Variants in TRIM48 observed in about 807,000 individuals in gnomAD.
The protein encoded by TRIM48 is E3 ubiquitin-protein ligase TRIM48.
TRIM48 carries 31 observed loss-of-function variants against 29.5 expected under a neutral mutation model. The observed-to-expected ratio is 1.05, with a 90% CI of 0.79 to 1.42. The LOEUF is 1.42. Ranked by LOEUF, TRIM48 falls within the 40% of genes most tolerant of loss-of-function variation. The probability of loss-of-function intolerance (pLI) is 0.00; values close to 1 mark genes in which losing one functional copy is unlikely to be tolerated. For synonymous variants in TRIM48, 128 were observed against 90.6 expected (o/e 1.41, Z -2.34); for missense variants, 344 against 265.0 (o/e 1.30, Z -2.07).
chr11:55,265,463 C>G (rs61014263), intron 2 of TRIM48, 137 bp from the exon 3 acceptor site: 2 of 1,479,924 alleles, frequency 1.4e-6, no homozygotes, highest in South Asian at 2.7e-5. Flanking sequence ...TGAGATTTGA[C>G]GAGGAAGAAG....
chr11:55,266,422 G>A (rs1343456403), intron 3 of TRIM48, among the ~76,000 whole-genome samples: 1 of 147,654 alleles, frequency 6.8e-6, no homozygotes, highest in Non-Finnish European at 1.5e-5. Context: ...CCTAGTCTAT[G>A]TTGAATATTA....
Position 55,265,168 on chromosome 11 carries a change from G to A in TRIM48, c.313G>A (p.Glu105Lys), listed in dbSNP as rs1368164210. 5 of 1,582,822 alleles carry A rather than the reference G, an allele frequency of 3.2e-6. 1 individual carries two copies. Among genetic ancestry groups the A allele is most frequent in the Non-Finnish European group, 4.3e-6 (5 of 1,166,198 alleles). Residue 105 changes from glutamate to lysine, a missense_variant, in exon 2 of 6, where the codon GAG (glutamate) becomes AAG (lysine). Coordinates refer to ENST00000417545, the MANE Select transcript of TRIM48 (RefSeq NM_024114.5). The part of the protein sequence containing the change: ...KASLWLFLSS[E>K]EQMCGIHRET... ...CAGTCTCTGGCTATTCCTGAGCTCT[G>A]AGGAGCAAATGTGTGGCATTCACAG... is the stretch of plus-strand genomic sequence containing the variant.
intron 5 of TRIM48, among the ~76,000 whole-genome samples, chr11:55,269,718 G>A (rs182100284): frequency 6.8e-6 from 1 of 147,422 alleles, no homozygotes; most frequent in Admixed American, 6.9e-5. Context: ...TTCTTTTGGG[G>A]AATATAGTTC....
chr11:55,263,020 C>T (rs1430808750), intron 1 of TRIM48, among the ~76,000 whole-genome samples: 1 of 151,952 alleles, frequency 6.6e-6, no homozygotes, highest in Non-Finnish European at 1.5e-5. Flanking sequence ...TGCCAAAGAC[C>T]ATAGTTTATA....
rs181220726 is a variant in TRIM48 at position 55,269,973 on chromosome 11, T to G, written c.*2-464T>G. Among the ~76,000 whole-genome samples, 2 of 148,032 alleles carry G rather than the reference T, an allele frequency of 1.4e-5. 1 individual carries two copies. Among genetic ancestry groups the G allele is most frequent in the Non-Finnish European group, 3.0e-5 (2 of 66,970 alleles). On this transcript the variant is annotated intron_variant, in intron 5 of 5. Coordinates refer to ENST00000417545, the MANE Select transcript of TRIM48 (RefSeq NM_024114.5). ...GGTAAAAGATTTTGCAGAAATCTGCTTCAAATGATCACTTATGACATGTAC... is the reference window on the plus strand; with the variant it reads ...GGTAAAAGATTTTGCAGAAATCTGCGTCAAATGATCACTTATGACATGTAC...
rs569723795 is a variant in TRIM48, at chr11:55,266,409, G to A, written c.555+714G>A. ...TAGTGTGTTGAAAAGTATTTCATAA[G>A]AACCTAGTCTATGTTGAATATTAAA... is the stretch of plus-strand genomic sequence containing the variant. On this transcript the variant is annotated intron_variant, in intron 3 of 5. Transcript: ENST00000417545. Among the ~76,000 whole-genome samples the A allele has an allele frequency of 2.8e-4, 42 of 147,682 alleles. 2 individuals carry two copies. The highest frequency in any genetic ancestry group is 1.0e-3 in the African/African-American group (42 of 40,482).
chr11:55,269,378 A>T (rs765815164), intron 5 of TRIM48, 39 bp downstream of exon 5: 3 of 1,559,990 alleles, frequency 1.9e-6, no homozygotes, highest in Non-Finnish European at 2.6e-6. Flanking sequence ...CACTATCTAA[A>T]TATTATTATT....
chr11:55,269,275 T>C lies in TRIM48; in HGVS notation c.612T>C (p.Pro204=), dbSNP rs776479125. The C allele has an allele frequency of 3.8e-5, 60 of 1,576,372 alleles. 4 individuals are homozygous for C. Among genetic ancestry groups the C allele is most frequent in the Non-Finnish European group, 5.1e-5 (59 of 1,166,030 alleles). ...SESVLLHMPQ[P]LNLALRAGPI... The stretch of plus-strand genomic sequence containing the variant: ...CCGTGCTGCTGCACATGCCCCAGCC[T>C]CTGAATCTAGCGCTCAGGGCAGGGC... Residue 204 remains proline (P), a synonymous_variant, in exon 5 of 6, where the codon CCT becomes CCC. Transcript: ENST00000417545.
In TRIM48 at chr11:55,265,579, C is replaced by T. The variant is rs773484507; in HGVS notation, c.460-21C>T. ...TACTTTATTGTCTTCACTGGTGCTT[C>T]AATTTATGGCTCTTTTGCAGGAGAA... On this transcript the variant is annotated intron_variant, in intron 2 of 5. Coordinates refer to ENST00000417545, the MANE Select transcript of TRIM48 (RefSeq NM_024114.5). The T allele has an allele frequency of 8.9e-6, 14 of 1,576,726 alleles. 3 individuals are homozygous for T. In the East Asian group the frequency reaches 2.4e-4, roughly 27 times the overall value.
chr11:55,267,640 T>G, intron 3 of TRIM48: 1 of 1,564,492 alleles, frequency 6.4e-7, no homozygotes, highest in Non-Finnish European at 8.7e-7. Flanking sequence ...CTACTTCAGG[T>G]ACAAACTCGC....
chr11:55,270,285 C>T (rs1041368835), intron 5 of TRIM48, among the ~76,000 whole-genome samples, 152 bp from the exon 6 acceptor site: 2 of 147,892 alleles, frequency 1.4e-5, no homozygotes, highest in Non-Finnish European at 3.0e-5. Context: ...CATCTCTATA[C>T]TTTATTAGAA....
intron 5 of TRIM48, among the ~76,000 whole-genome samples, chr11:55,270,058 C>T (rs139530113): frequency 3.4e-5 from 5 of 147,794 alleles, no homozygotes; most frequent in African/African-American, 5.0e-5. Flanking sequence ...TCTTCACATG[C>T]TTTCCAAAAT....
intron 1 of TRIM48, among the ~76,000 whole-genome samples, chr11:55,264,303 G>A (rs1161346134): frequency 1.4e-5 from 2 of 147,508 alleles, no homozygotes; most frequent in African/African-American, 2.5e-5. Context: ...TTATTTGGTT[G>A]GTTGATTGGT....
chr11:55,269,720 A>G (rs1359928018), intron 5 of TRIM48, among the ~76,000 whole-genome samples: 2 of 147,530 alleles, frequency 1.4e-5, no homozygotes, highest in East Asian at 2.1e-4. Context: ...CTTTTGGGGA[A>G]TATAGTTCGC....
In TRIM48 at chr11:55,270,296, G is replaced by C. The variant is rs1590624175; in HGVS notation, c.*2-141G>C. On this transcript the variant is annotated intron_variant, in intron 5 of 5. Coordinates refer to ENST00000417545, the MANE Select transcript of TRIM48 (RefSeq NM_024114.5). ...TAATCATCTCTATACTTTATTAGAA[G>C]TTACAAGCAAAAGTGTCCTTGTGAC... 3 of 638,448 alleles carry C rather than the reference G, an allele frequency of 4.7e-6. 1 individual carries two copies. The East Asian group carries it at 1.0e-4, about 21-fold the overall frequency. The allele number at this position is 638,448 out of a possible 1,614,324, so 39.5% of individuals were successfully genotyped here. A position where few individuals can be genotyped will look rare whatever the true frequency, so the allele number is the denominator to read the frequency against.
intron 4 of TRIM48, among the ~76,000 whole-genome samples, chr11:55,268,684 G>A (rs1010507055): frequency 2.0e-5 from 3 of 147,858 alleles, no homozygotes; most frequent in African/African-American, 7.4e-5. Flanking sequence ...GGAGAGAAGT[G>A]GGGGAAGTAT....
In TRIM48 at chr11:55,271,096, T is replaced by A. The variant is rs2120122693; in HGVS notation, c.*661T>A. On this transcript the variant is annotated 3_prime_UTR_variant, in exon 6 of 6. Coordinates refer to ENST00000417545, the MANE Select transcript of TRIM48 (RefSeq NM_024114.5). ...ACTCATTTATTGTGTTACTATTAAA[T>A]GTAGTAAAAACACTAAAAGTATATA... is the stretch of plus-strand genomic sequence containing the variant. 3.9e-6 allele frequency: 4 copies of A among 1,014,476 alleles called. No individual in the cohort carries two copies. Among genetic ancestry groups the A allele is most frequent in the Non-Finnish European group, 5.4e-6 (4 of 736,204 alleles). The allele number at this position is 1,014,476 out of a possible 1,614,324, so 62.8% of individuals were successfully genotyped here.
intron 3 of TRIM48, among the ~76,000 whole-genome samples, chr11:55,267,830 C>A (rs1376874720): frequency 6.8e-6 from 1 of 147,952 alleles, no homozygotes; most frequent in African/African-American, 2.5e-5. Context: ...GTCCCTCCTA[C>A]TTTATCCACC....
At chr11:55,263,911 G>T (rs995780818) in intron 1 of TRIM48, among the ~76,000 whole-genome samples, 6 of 152,064 alleles carry the variant, frequency 3.9e-5, no homozygotes, top group Non-Finnish European at 5.9e-5. Flanking sequence ...CTTTCCTCTG[G>T]CCTTTTCCTT....
Sources: gnomAD v4.1 joint callset for allele counts (sites outside exome capture counted in the v4.1 genomes callset) on GRCh38, gnomAD v4.1.1 for gene constraint, MANE v1.5 for transcripts, NCBI Gene and HGNC (gene_info 2026-07-23, HGNC 2026-07-21) for gene names.